Variants in C1orf87 observed in about 807,000 individuals in gnomAD.
C1orf87 encodes the protein chromosome 1 open reading frame 87.
C1orf87 carries 58 observed loss-of-function variants against 60.5 expected under a neutral mutation model. The observed-to-expected ratio is 0.96, with a 90% confidence interval of 0.78 to 1.19. The LOEUF is 1.19. Ranked by LOEUF, C1orf87 falls within the 50% of genes most tolerant of loss-of-function variation. C1orf87 has a pLI of 0.00. For missense variants in C1orf87, 673 were observed against 638.6 expected (o/e 1.05, Z -0.58); for synonymous variants, 236 against 227.4 (o/e 1.04, Z -0.34).
intron 3 of C1orf87, among the ~76,000 whole-genome samples, chr1:60,054,388 C>A (rs1391724161): frequency 6.6e-6 from 1 of 152,190 alleles, no homozygotes; most frequent in Non-Finnish European, 1.5e-5. Context: ...TTCATTTTCT[C>A]ATATGACTAA....
chr1:60,030,722 T>G (rs1460483628), intron 7 of C1orf87, among the ~76,000 whole-genome samples: 1 of 152,232 alleles, frequency 6.6e-6, no homozygotes, highest in Admixed American at 6.5e-5. Context: ...TACATCTGAC[T>G]TGGGTAATAG....
In C1orf87 at chr1:60,025,386, TAA is replaced by T; in HGVS notation, c.1127+13_1127+14del. On this transcript the variant is annotated intron_variant, in intron 8 of 11. Transcript: ENST00000371201. ...GTGGATACAAACATTCAGTTCTTAATAAGAGTTGACTTACTTTATTTCATTTT... is the reference window on the plus strand; with the variant it reads ...GTGGATACAAACATTCAGTTCTTAATGAGTTGACTTACTTTATTTCATTTT... 1 of 1,589,620 alleles carries T rather than the reference TAA, an allele frequency of 6.3e-7. No homozygotes were observed. Among genetic ancestry groups the T allele is most frequent in the Non-Finnish European group, 8.6e-7 (1 of 1,159,472 alleles).
At chr1:60,008,298 A>C (rs1177790298) in intron 9 of C1orf87, among the ~76,000 whole-genome samples, 1 of 152,122 alleles carries the variant, frequency 6.6e-6, no homozygotes, top group Non-Finnish European at 1.5e-5. Flanking sequence ...TTTAGATATG[A>C]GAAAAATGAG....
chr1:60,016,708 C>T (rs1235202298), intron 8 of C1orf87, among the ~76,000 whole-genome samples: 3 of 152,162 alleles, frequency 2.0e-5, no homozygotes, highest in Admixed American at 1.3e-4. Flanking sequence ...GGTAGAAGGG[C>T]TACACTGGTA....
intron 7 of C1orf87, among the ~76,000 whole-genome samples, chr1:60,032,152 T>C (rs1645242720): frequency 6.6e-6 from 1 of 152,224 alleles, no homozygotes; most frequent in South Asian, 2.1e-4. Context: ...TCTTTTAAAT[T>C]CTCTGACTCC....
At chr1:60,043,597 G>A (rs931525641) in intron 3 of C1orf87, among the ~76,000 whole-genome samples, 7 of 152,080 alleles carry the variant, frequency 4.6e-5, no homozygotes, top group African/African-American at 1.4e-4. Context: ...ACGTTGGCCA[G>A]GATGGTCTCG....
At chr1:60,000,169 C>G (rs1450022931) in intron 10 of C1orf87, among the ~76,000 whole-genome samples, 1 of 152,126 alleles carries the variant, frequency 6.6e-6, no homozygotes, top group East Asian at 1.9e-4. Context: ...ATGATTTTCT[C>G]AGGGACAATA....
chr1:60,058,974 C>T (rs570404604), intron 2 of C1orf87, among the ~76,000 whole-genome samples: 3 of 152,250 alleles, frequency 2.0e-5, no homozygotes, highest in South Asian at 4.1e-4. Context: ...AGTGTCAGGA[C>T]AGAATTGCTT....
At chr1:60,002,116 C>T (rs920877105) in intron 9 of C1orf87, among the ~76,000 whole-genome samples, 1 of 152,062 alleles carries the variant, frequency 6.6e-6, no homozygotes. Flanking sequence ...ATGCCATTAA[C>T]AAATGTATAT....
intron 7 of C1orf87, among the ~76,000 whole-genome samples, chr1:60,029,790 G>T (rs542566582): frequency 6.6e-6 from 1 of 151,892 alleles, no homozygotes; most frequent in Admixed American, 6.6e-5. Context: ...ACAGGCATGC[G>T]CCACCATGCC....
intron 3 of C1orf87, among the ~76,000 whole-genome samples, chr1:60,046,535 A>C (rs1645372808): frequency 6.8e-6 from 1 of 146,644 alleles, no homozygotes; most frequent in Non-Finnish European, 1.5e-5. Flanking sequence ...GAACTCCTAG[A>C]CTCAAGCAAT....
intron 2 of C1orf87, among the ~76,000 whole-genome samples, chr1:60,062,277 T>G (rs1645502479): frequency 6.6e-6 from 1 of 152,192 alleles, no homozygotes; most frequent in Non-Finnish European, 1.5e-5. Context: ...GCCATCCTTG[T>G]TTGAGTGTAT....
intron 8 of C1orf87, among the ~76,000 whole-genome samples, chr1:60,013,756 T>C (rs1390261182): frequency 6.6e-6 from 1 of 151,938 alleles, no homozygotes; most frequent in African/African-American, 2.4e-5. Flanking sequence ...GCAGATGAGC[T>C]GCACTGATTT....
chr1:60,046,027 T>C (rs1645365146), intron 3 of C1orf87, among the ~76,000 whole-genome samples: 1 of 152,196 alleles, frequency 6.6e-6, no homozygotes, highest in South Asian at 2.1e-4. Context: ...ATATGAACCA[T>C]ATATTGCAAT....
intron 6 of C1orf87, among the ~76,000 whole-genome samples, chr1:60,034,403 G>A (rs1010414075): frequency 2.6e-5 from 4 of 152,158 alleles, no homozygotes; most frequent in African/African-American, 9.7e-5. Flanking sequence ...TGCTTCCTCT[G>A]TGAAACTTTT....
At chr1:60,019,181 G>A (rs1043489235) in intron 8 of C1orf87, among the ~76,000 whole-genome samples, 3 of 152,156 alleles carry the variant, frequency 2.0e-5, no homozygotes, top group Non-Finnish European at 2.9e-5. Flanking sequence ...GATCATGGGG[G>A]CAGATTTCCC....
chr1:60,035,304 T>C (rs1645267759), intron 6 of C1orf87, among the ~76,000 whole-genome samples: 1 of 152,210 alleles, frequency 6.6e-6, no homozygotes, highest in African/African-American at 2.4e-5. Context: ...GAAGCTTTGG[T>C]CCCTGGCTCC....
chr1:60,063,607 C>A (rs951740100), intron 2 of C1orf87, among the ~76,000 whole-genome samples: 3 of 152,138 alleles, frequency 2.0e-5, no homozygotes, highest in African/African-American at 7.2e-5. Context: ...AATGGCTTTC[C>A]TGCTCTTTCT....
chr1:60,000,989 C>A, intron 10 of C1orf87, 88 bp downstream of exon 10: 4 of 1,101,226 alleles, frequency 3.6e-6, no homozygotes, highest in Non-Finnish European at 5.4e-6. Flanking sequence ...AATCAAAACC[C>A]ACAGGAGAGA....
Sources: allele counts gnomAD v4.1 joint callset (sites outside exome capture counted in the v4.1 genomes callset), GRCh38; gene constraint gnomAD v4.1.1; transcripts MANE v1.5; gene names NCBI Gene and HGNC (gene_info 2026-07-23, HGNC 2026-07-21).